Variants in ZFAND2A observed in about 807,000 individuals in gnomAD.
ZFAND2A encodes AN1-type zinc finger protein 2A.
Under a neutral mutation model 11.6 loss-of-function variants are expected in ZFAND2A, and 20 were observed. The observed-to-expected ratio is 1.72, with a 90% CI of 1.21 to 2.50. The LOEUF (loss-of-function observed/expected upper bound fraction) is 2.50, where lower values mean the gene tolerates loss of function less well. Among genes scored for constraint, ZFAND2A ranks in the 30% most tolerant of loss-of-function variants. The probability of loss-of-function intolerance (pLI) is 0.00; values close to 1 mark genes in which losing one functional copy is unlikely to be tolerated. For synonymous variants in ZFAND2A, 93 were observed against 60.6 expected, an observed-to-expected ratio of 1.54 and a Z score of -2.48; for missense variants, 234 against 182.9, an observed-to-expected ratio of 1.28 and a Z score of -1.61.
chr7:1,155,832 C>A (rs1793513479), intron 3 of ZFAND2A, among the ~76,000 whole-genome samples: 2 of 152,218 alleles, frequency 1.3e-5, no homozygotes, highest in African/African-American at 4.8e-5. Context: ...ACTGCAGAAA[C>A]CAGCTGGGGC....
intron 4 of ZFAND2A, 82 bp from the exon 5 acceptor site, chr7:1,153,306 G>C: frequency 6.6e-7 from 1 of 1,506,876 alleles, no homozygotes; most frequent in Non-Finnish European, 9.0e-7. Context: ...GGAGTGCAGT[G>C]GCTTGATCTT....
chr7:1,156,206 G>C (rs867985096), intron 3 of ZFAND2A, among the ~76,000 whole-genome samples: 25 of 73,430 alleles, frequency 3.4e-4, no homozygotes, highest in African/African-American at 1.9e-3. Context: ...TGAGCTGGGG[G>C]CTCCGAAGGG....
intron 3 of ZFAND2A, chr7:1,157,402 G>A (rs937191803): frequency 6.0e-6 from 2 of 331,356 alleles, no homozygotes; most frequent in Non-Finnish European, 1.1e-5. Context: ...ACAACTAAGT[G>A]ACTCCATGAG....
At chr7:1,153,250 A>G (rs988351993) in intron 4 of ZFAND2A, 26 bp from the exon 5 acceptor site, 1 of 1,603,758 alleles carries the variant, frequency 6.2e-7, no homozygotes. Flanking sequence ...GACTTCAACA[A>G]GCAATTCTTT....
intron 1 of ZFAND2A, among the ~76,000 whole-genome samples, chr7:1,158,541 A>C (rs1172799610): frequency 6.6e-6 from 1 of 152,234 alleles, no homozygotes; most frequent in Non-Finnish European, 1.5e-5. Flanking sequence ...CACAGCTGCC[A>C]GTGATGATTA....
At chr7:1,155,788 G>A in intron 3 of ZFAND2A, 1 of 501,674 alleles carries the variant, frequency 2.0e-6, no homozygotes, top group African/African-American at 2.0e-5. Flanking sequence ...GCCCTGAGGA[G>A]TCTAGTGAAG....
chr7:1,158,117 A>G (rs576549841), intron 2 of ZFAND2A, 41 bp downstream of exon 2: 4 of 1,598,580 alleles, frequency 2.5e-6, no homozygotes, highest in East Asian at 4.5e-5. Context: ...CTTTCCCCCA[A>G]CAAAATACCA....
chr7:1,151,254 TCACA>T (rs544523873), downstream of ZFAND2A, among the ~76,000 whole-genome samples: 2 of 152,082 alleles, frequency 1.3e-5, no homozygotes, highest in Non-Finnish European at 1.5e-5. Context: ...ACACCTTCTC[TCACA>T]CAGTGTCCCA....
intron 1 of ZFAND2A, among the ~76,000 whole-genome samples, chr7:1,159,020 C>A (rs898253204): frequency 3.3e-5 from 5 of 152,142 alleles, no homozygotes; most frequent in Non-Finnish European, 5.9e-5. Flanking sequence ...AAGACTGGAA[C>A]ACTCTCGCCC....
chr7:1,153,353 T>C (rs1298995034), intron 4 of ZFAND2A, 129 bp from the exon 5 acceptor site: 1 of 983,152 alleles, frequency 1.0e-6, no homozygotes, highest in South Asian at 1.6e-5. Flanking sequence ...ACTCAAGTGA[T>C]TCTCCTGCTT....
rs6973680 is a variant in ZFAND2A, at chr7:1,159,996, T to C, written c.-78A>G. 0.53 allele frequency: 82,659 copies of C among 156,870 alleles called. 22,544 individuals are homozygous for C. The highest frequency in any genetic ancestry group is 0.58 in the Non-Finnish European group (40,673 of 70,292). The allele number at this position is 156,870 out of a possible 1,614,324, so 9.7% of individuals were successfully genotyped here. A position where few individuals can be genotyped will look rare whatever the true frequency, so the allele number is the denominator to read the frequency against. ...TCGTCGGGGACCCAGGCAGCTGAGG[T>C]GAGCAGCAGATGGAAGAGACGTAAA... On this transcript the variant is annotated 5_prime_UTR_variant, in exon 1 of 5. Transcript: ENST00000316495.
downstream of ZFAND2A, among the ~76,000 whole-genome samples, chr7:1,151,179 C>T (rs1186859416): frequency 6.6e-6 from 1 of 152,146 alleles, no homozygotes; most frequent in African/African-American, 2.4e-5. Context: ...TGAGCCACTG[C>T]GCCTGGCTGA....
downstream of ZFAND2A, chr7:1,152,012 G>T (rs1399772483): frequency 4.6e-6 from 2 of 430,692 alleles, no homozygotes; most frequent in Admixed American, 4.0e-5. Context: ...GATCTTGGAG[G>T]GCAGAAAAGG....
chr7:1,153,629 T>C (rs1275268372), intron 4 of ZFAND2A, among the ~76,000 whole-genome samples: 1 of 152,212 alleles, frequency 6.6e-6, no homozygotes, highest in Non-Finnish European at 1.5e-5. Flanking sequence ...CAAAGTTTCA[T>C]TTGACCATCT....
chr7:1,149,006 C>G (rs925409856), downstream of ZFAND2A, among the ~76,000 whole-genome samples: 1 of 151,776 alleles, frequency 6.6e-6, no homozygotes, highest in Non-Finnish European at 1.5e-5. Context: ...CTACATTGCC[C>G]AGTCCTATCT....
chr7:1,149,646 C>T (rs1793361841), downstream of ZFAND2A, among the ~76,000 whole-genome samples: 2 of 152,220 alleles, frequency 1.3e-5, no homozygotes, highest in African/African-American at 2.4e-5. Flanking sequence ...GATGGTGCGG[C>T]CTCCTCCACA....
At chr7:1,152,088 G>A (rs974862580), downstream of ZFAND2A, 2 of 930,466 alleles carry the variant, frequency 2.1e-6, no homozygotes, top group East Asian at 3.0e-5. Context: ...AGCTGCTTCT[G>A]TAACTTGGGG....
chr7:1,158,035 C>T, intron 2 of ZFAND2A, 123 bp downstream of exon 2: 18 of 1,007,152 alleles, frequency 1.8e-5, no homozygotes, highest in Non-Finnish European at 2.7e-5. Context: ...GAACCTGCAC[C>T]AGCACAGTTC....
At chr7:1,151,762 T>TAAAAGAAAAAAAAAAAAAAAAAAAA (rs1554344525), downstream of ZFAND2A, among the ~76,000 whole-genome samples, 2 of 87,180 alleles carry the variant, frequency 2.3e-5, no homozygotes, top group Non-Finnish European at 4.3e-5. Context: ...TCATCCCTTT[T>TAAAAGAAAAAAAAAAAAAAAAAAAA]AAAAAAAAAA....
Sources: gnomAD v4.1 joint callset for allele counts (sites outside exome capture counted in the v4.1 genomes callset) on GRCh38, gnomAD v4.1.1 for gene constraint, MANE v1.5 for transcripts, NCBI Gene and HGNC (gene_info 2026-07-23, HGNC 2026-07-21) for gene names.